The following FSTL4 variants were observed in gnomAD, a reference collection of about 807,000 sequenced individuals.
FSTL4 encodes follistatin-related protein 4.
A neutral mutation model predicts 78.2 loss-of-function variants in FSTL4; 28 were observed. The ratio of observed to expected loss-of-function variants is 0.36; its 90% CI spans 0.27 to 0.49. FSTL4 has a LOEUF of 0.49. Among genes scored for constraint, FSTL4 ranks in the 20% least tolerant of loss-of-function variants. FSTL4 has a pLI of 0.98. For missense variants in FSTL4, 922 were observed against 1,084.9 expected (o/e 0.85, Z 2.11); for synonymous variants, 422 against 440.5 (o/e 0.96, Z 0.53).
chr5:133,323,779 G>C (rs1338015131), intron 4 of FSTL4, among the ~76,000 whole-genome samples: 1 of 152,232 alleles, frequency 6.6e-6, no homozygotes, highest in African/African-American at 2.4e-5. Flanking sequence ...ATATTGATCA[G>C]CTTGCCGAGG....
the FSTL4 span, among the ~76,000 whole-genome samples, chr5:133,817,186 A>G: frequency 6.6e-6 from 1 of 152,226 alleles, no homozygotes; most frequent in African/African-American, 2.4e-5. Context: ...CAGCCCTGCG[A>G]AGCTGAGTCT....
At chr5:133,567,549 C>T (rs1231337536) in intron 2 of FSTL4, among the ~76,000 whole-genome samples, 1 of 152,258 alleles carries the variant, frequency 6.6e-6, no homozygotes, top group Non-Finnish European at 1.5e-5. Flanking sequence ...GACCCACCCT[C>T]TGCCTGAACT....
At chr5:133,403,502 A>G (rs1756285754) in intron 3 of FSTL4, among the ~76,000 whole-genome samples, 1 of 152,172 alleles carries the variant, frequency 6.6e-6, no homozygotes, top group Admixed American at 6.5e-5. Context: ...CAGTATACTC[A>G]GGTTTTAAGA....
rs150764137 is a variant in FSTL4 at position 133,379,258 on chromosome 5, C to T, written c.409+21480G>A. 3.8e-3 allele frequency among the ~76,000 whole-genome samples: 579 copies of T among 151,984 alleles called. 9 individuals carry two copies. Among genetic ancestry groups the T allele is most frequent in the African/African-American group, 0.013 (543 of 41,436 alleles). On this transcript the variant is annotated intron_variant, in intron 4 of 15. Transcript: ENST00000265342. ...ATCTAACAAGAAACCCCAAAATACA[C>T]GAAGCAAAAGCGACAGAACTAAAGA...
intron 7 of FSTL4, among the ~76,000 whole-genome samples, chr5:133,237,704 A>G (rs1442173701): frequency 6.6e-6 from 1 of 152,252 alleles, no homozygotes; most frequent in Non-Finnish European, 1.5e-5. Flanking sequence ...ATTGGATGTG[A>G]GAAGAGAAAA....
chr5:133,482,763 G>A (rs1459544997), intron 3 of FSTL4, among the ~76,000 whole-genome samples: 2 of 152,182 alleles, frequency 1.3e-5, no homozygotes, highest in East Asian at 3.9e-4. Flanking sequence ...GAGGGCAGGG[G>A]CTCTGAGATC....
intron 7 of FSTL4, among the ~76,000 whole-genome samples, chr5:133,237,684 A>G (rs1371345834): frequency 6.6e-6 from 1 of 152,232 alleles, no homozygotes; most frequent in African/African-American, 2.4e-5. Context: ...ACAGAAATCA[A>G]ATTTACCTCA....
At chr5:133,242,657 A>G (rs1054230069) in intron 7 of FSTL4, among the ~76,000 whole-genome samples, 2 of 152,166 alleles carry the variant, frequency 1.3e-5, no homozygotes, top group African/African-American at 2.4e-5. Context: ...GGAGTACCAT[A>G]GGCCCCGGCC....
chr5:133,478,964 CT>C (rs1757974803), intron 3 of FSTL4, among the ~76,000 whole-genome samples: 1 of 152,158 alleles, frequency 6.6e-6, no homozygotes, highest in African/African-American at 2.4e-5. Context: ...CCTCTCAAAT[CT>C]TTGCACATTT....
At chr5:133,713,539 A>G in the FSTL4 span, among the ~76,000 whole-genome samples, 1 of 152,200 alleles carries the variant, frequency 6.6e-6, no homozygotes, top group African/African-American at 2.4e-5. Context: ...CCCAAAAAGT[A>G]GGATAGATGC....
intron 4 of FSTL4, among the ~76,000 whole-genome samples, chr5:133,380,702 C>A (rs1037983544): frequency 6.6e-6 from 1 of 151,544 alleles, no homozygotes; most frequent in Non-Finnish European, 1.5e-5. Context: ...ATATCAAAAC[C>A]AGGCAAGACA....
chr5:133,802,064 C>T, the FSTL4 span, among the ~76,000 whole-genome samples: 1 of 152,246 alleles, frequency 6.6e-6, no homozygotes, highest in Non-Finnish European at 1.5e-5. Context: ...CTGTGCCTCT[C>T]CTTCAGAGCA....
At chr5:133,447,192 C>T (rs1428442668) in intron 3 of FSTL4, among the ~76,000 whole-genome samples, 1 of 152,196 alleles carries the variant, frequency 6.6e-6, no homozygotes, top group East Asian at 1.9e-4. Context: ...TCACCACCAG[C>T]CTGTGTGACA....
intron 3 of FSTL4, among the ~76,000 whole-genome samples, chr5:133,496,675 G>T (rs920357527): frequency 6.6e-6 from 1 of 152,180 alleles, no homozygotes; most frequent in African/African-American, 2.4e-5. Flanking sequence ...GCGGACACGA[G>T]GACAGTGAGG....
the FSTL4 span, among the ~76,000 whole-genome samples, chr5:133,690,656 G>A: frequency 6.6e-6 from 1 of 152,154 alleles, no homozygotes; most frequent in Non-Finnish European, 1.5e-5. Flanking sequence ...TAAAGATGCA[G>A]GGCAAACACG....
At chr5:133,746,962 G>A in the FSTL4 span, among the ~76,000 whole-genome samples, 1 of 152,150 alleles carries the variant, frequency 6.6e-6, no homozygotes, top group Non-Finnish European at 1.5e-5. Context: ...CTTGCTAACT[G>A]GCCCAGGCAT....
At chr5:133,754,110 C>A in the FSTL4 span, among the ~76,000 whole-genome samples, 1 of 152,184 alleles carries the variant, frequency 6.6e-6, no homozygotes, top group Non-Finnish European at 1.5e-5. Flanking sequence ...ACACAGCATA[C>A]AAAGTAATCA....
At chr5:133,333,597 A>G (rs912648546) in intron 4 of FSTL4, among the ~76,000 whole-genome samples, 1 of 152,200 alleles carries the variant, frequency 6.6e-6, no homozygotes, top group Non-Finnish European at 1.5e-5. Context: ...TGGGCTGGTC[A>G]TCTATCTCAT....
intron 2 of FSTL4, among the ~76,000 whole-genome samples, chr5:133,597,187 C>T (rs1251750281): frequency 6.6e-6 from 1 of 152,224 alleles, no homozygotes; most frequent in Non-Finnish European, 1.5e-5. Flanking sequence ...GCAGAGACCA[C>T]AGCCATGGAG....
Sources: gnomAD v4.1 joint callset for allele counts (sites outside exome capture counted in the v4.1 genomes callset) on GRCh38, gnomAD v4.1.1 for gene constraint, MANE v1.5 for transcripts, NCBI Gene and HGNC (gene_info 2026-07-23, HGNC 2026-07-21) for gene names.